The following PCDH11X variants were observed in gnomAD, a reference collection of about 807,000 sequenced individuals.
The protein encoded by PCDH11X is protocadherin 11 X-linked, also known as protocadherin-11 X-linked.
PCDH11X carries 18 observed loss-of-function variants against 53.3 expected under a neutral mutation model. That is an observed-to-expected ratio of 0.34 (90% CI 0.23 to 0.50). The LOEUF is 0.50. PCDH11X is among the 20% of genes least tolerant of loss of function. PCDH11X has a pLI of 0.98. For missense variants in PCDH11X, 570 were observed against 1,032.4 expected, an observed-to-expected ratio of 0.55 and a Z score of 6.14; for synonymous variants, 279 against 393.3, an observed-to-expected ratio of 0.71 and a Z score of 3.44.
intron 6 of PCDH11X, among the ~76,000 whole-genome samples, chrX:92,135,958 G>A (rs1364143067): frequency 1.8e-5 from 2 of 111,294 alleles, no homozygotes; most frequent in East Asian, 2.8e-4. Context: ...CAAAAAAAAT[G>A]TCATTATCTC....
intron 6 of PCDH11X, among the ~76,000 whole-genome samples, chrX:92,195,859 G>A (rs1050058047): frequency 8.9e-6 from 1 of 111,949 alleles, no homozygotes; most frequent in African/African-American, 3.2e-5. Flanking sequence ...GATTCACAAT[G>A]TCTTGTCTGT....
At chrX:92,031,788 A>G (rs1186615085) in intron 6 of PCDH11X, among the ~76,000 whole-genome samples, 6 of 111,276 alleles carry the variant, frequency 5.4e-5, no homozygotes, top group Admixed American at 9.6e-5. Flanking sequence ...AAAGGAGTTC[A>G]CTGTAGGTGT....
chrX:92,144,424 G>T (rs1259782509), intron 6 of PCDH11X, among the ~76,000 whole-genome samples: 1 of 110,438 alleles, frequency 9.1e-6, no homozygotes, highest in African/African-American at 3.3e-5. Flanking sequence ...AGTCTTTCCC[G>T]TGCTATTCTC....
chrX:92,305,371 G>T (rs760546480), intron 8 of PCDH11X, among the ~76,000 whole-genome samples: 1 of 107,942 alleles, frequency 9.3e-6, no homozygotes, highest in African/African-American at 3.4e-5. Context: ...TTCTGGTGAG[G>T]CCTTTCTTCC....
At chrX:92,545,560 C>T (rs1369618445) in intron 10 of PCDH11X, among the ~76,000 whole-genome samples, 1 of 108,838 alleles carries the variant, frequency 9.2e-6, no homozygotes, top group Non-Finnish European at 1.9e-5. Context: ...CGCCATCATG[C>T]CGGGCTAATT....
chrX:91,990,125 T>A, intron 6 of PCDH11X, among the ~76,000 whole-genome samples: 1 of 111,195 alleles, frequency 9.0e-6, no homozygotes, highest in Non-Finnish European at 1.9e-5. Context: ...TTTTTGTTAT[T>A]GTATTTTTTA....
Position 92,374,672 on chromosome X carries a change from A to G in PCDH11X, c.3145-13063A>G, listed in dbSNP as rs185811827. On this transcript the variant is annotated intron_variant, in intron 8 of 10. Transcript: ENST00000682573. ...TGCAACGTGAGCTTTTTGTTGGTTC[A>G]GTTGAAAATAATAGAAAGATCCTCT... 8.1e-3 allele frequency among the ~76,000 whole-genome samples: 904 copies of G among 111,658 alleles called. 15 individuals carry two copies. The highest frequency in any genetic ancestry group is 0.028 in the African/African-American group (873 of 30,656).
At chrX:92,523,887 T>C (rs1309415259) in intron 10 of PCDH11X, among the ~76,000 whole-genome samples, 1 of 111,605 alleles carries the variant, frequency 9.0e-6, no homozygotes, top group Non-Finnish European at 1.9e-5. Flanking sequence ...ATACATTTGT[T>C]TTTATGTAAT....
intron 10 of PCDH11X, among the ~76,000 whole-genome samples, chrX:92,513,395 TA>T (rs1468884180): frequency 1.8e-5 from 2 of 109,559 alleles, no homozygotes; most frequent in Non-Finnish European, 3.8e-5. Flanking sequence ...ACTTTGGAAG[TA>T]AAAGGGGATA....
At position 91,879,175 on chromosome X, in the gene PCDH11X, T is replaced by C; in HGVS notation, c.2935T>C (p.Ser979Pro). ...DNTFVACDSISKCSSSSSDPY... is the reference protein window; with the variant it reads ...DNTFVACDSIPKCSSSSSDPY... ...CACCTTTGTGGCCTGTGACTCTATC[T>C]CCAAGTGTTCCTCAAGCAGTTCAGA... Residue 979 changes from serine to proline, a missense_variant, in exon 6 of 11, where the codon TCC becomes CCC. Around this residue, in one of 6 missense-constraint regions of PCDH11X, gnomAD observed 234 missense variants for 296.1 expected, o/e 0.79. Transcript: ENST00000682573. 3.3e-6 allele frequency: 4 copies of C among 1,211,467 alleles called. No individual in the cohort carries two copies. The highest frequency in any genetic ancestry group is 4.5e-6 in the Non-Finnish European group (4 of 895,438).
intron 8 of PCDH11X, among the ~76,000 whole-genome samples, chrX:92,310,588 CATG>C (rs2148480930): frequency 9.1e-6 from 1 of 109,916 alleles, no homozygotes; most frequent in East Asian, 2.9e-4. Flanking sequence ...GGGGTTTCAC[CATG>C]TTAGCCAGTC....
At chrX:91,965,333 C>A in intron 6 of PCDH11X, among the ~76,000 whole-genome samples, 1 of 109,380 alleles carries the variant, frequency 9.1e-6, no homozygotes, top group East Asian at 2.9e-4. Flanking sequence ...TTCATTCATA[C>A]AAACACTGTG....
intron 8 of PCDH11X, among the ~76,000 whole-genome samples, chrX:92,354,752 A>G (rs1202576877): frequency 3.0e-4 from 34 of 111,729 alleles, no homozygotes; most frequent in African/African-American, 1.0e-3. Flanking sequence ...AGAAAATGAA[A>G]TATTTGAAAT....
At chrX:92,437,852 C>A (rs2072421668) in intron 9 of PCDH11X, among the ~76,000 whole-genome samples, 1 of 109,761 alleles carries the variant, frequency 9.1e-6, no homozygotes, top group Non-Finnish European at 1.9e-5. Context: ...CTAAACCTTG[C>A]AGAGAAAATA....
At chrX:92,398,341 C>G (rs1223739412) in intron 9 of PCDH11X, among the ~76,000 whole-genome samples, 4 of 111,080 alleles carry the variant, frequency 3.6e-5, no homozygotes, top group African/African-American at 1.3e-4. Flanking sequence ...GCTTTCAGGG[C>G]AGAGAATTGG....
chrX:91,866,077 T>C (rs2147701062), intron 5 of PCDH11X, among the ~76,000 whole-genome samples: 1 of 110,589 alleles, frequency 9.0e-6, no homozygotes, highest in East Asian at 2.9e-4. Flanking sequence ...CTCATGACTC[T>C]ATCCAGTGCC....
chrX:92,499,760 A>G (rs1308479084), intron 10 of PCDH11X, among the ~76,000 whole-genome samples: 1 of 99,881 alleles, frequency 1.0e-5, no homozygotes, highest in Non-Finnish European at 2.0e-5. Context: ...TGAGCCTGGG[A>G]GGTCGAGGCT....
intron 6 of PCDH11X, among the ~76,000 whole-genome samples, chrX:92,122,041 G>A (rs1175471842): frequency 3.0e-5 from 3 of 101,464 alleles, no homozygotes; most frequent in Non-Finnish European, 5.9e-5. Context: ...CTGGAGAGCA[G>A]TGGCACGATC....
chrX:92,484,807 C>A (rs1017354249), intron 10 of PCDH11X, among the ~76,000 whole-genome samples: 2 of 109,972 alleles, frequency 1.8e-5, no homozygotes, highest in African/African-American at 6.6e-5. Context: ...ATAGGTGCAC[C>A]AAAATCTCAG....
Sources: gnomAD v4.1 joint callset for allele counts (sites outside exome capture counted in the v4.1 genomes callset) on GRCh38, gnomAD v4.1.1 for gene constraint, gnomAD v4.1.1 regional missense constraint, MANE v1.5 for transcripts, NCBI Gene and HGNC (gene_info 2026-07-23, HGNC 2026-07-21) for gene names.